The following TMPRSS12 variants were observed in gnomAD, a reference collection of about 807,000 sequenced individuals.
TMPRSS12 encodes the protein transmembrane serine protease 12.
TMPRSS12 carries 25 observed loss-of-function variants against 26.0 expected under a neutral mutation model. The ratio of observed to expected loss-of-function variants is 0.96; its 90% CI spans 0.70 to 1.34. TMPRSS12 has a LOEUF of 1.34. Ranked by LOEUF, TMPRSS12 falls within the 40% of genes most tolerant of loss-of-function variation. The pLI is 0.00. For missense variants in TMPRSS12, 441 were observed against 440.1 expected, an observed-to-expected ratio of 1.00 and a Z score of -0.02; for synonymous variants, 150 against 161.7, an observed-to-expected ratio of 0.93 and a Z score of 0.55.
intron 3 of TMPRSS12, among the ~76,000 whole-genome samples, chr12:50,860,915 TTTG>T (rs1476042311): frequency 6.6e-6 from 1 of 152,004 alleles, no homozygotes; most frequent in Non-Finnish European, 1.5e-5. Flanking sequence ...CCAGCTTTTG[TTTG>T]TTTGTTTTTA....
chr12:50,843,266 T>C, intron 1 of TMPRSS12, 115 bp downstream of exon 1: 2 of 1,084,278 alleles, frequency 1.8e-6, no homozygotes, highest in South Asian at 3.7e-5. Flanking sequence ...TAACCAAAAT[T>C]TTACATACCT....
intron 1 of TMPRSS12, 42 bp from the exon 2 acceptor site, chr12:50,843,800 T>C: frequency 6.5e-7 from 1 of 1,535,592 alleles, no homozygotes. Context: ...TAACACATAC[T>C]ATAGATGCTC....
intron 2 of TMPRSS12, among the ~76,000 whole-genome samples, chr12:50,858,378 G>C (rs1211119553): frequency 6.6e-6 from 1 of 152,156 alleles, no homozygotes; most frequent in African/African-American, 2.4e-5. Flanking sequence ...TAAAAGATGG[G>C]AACTCTTTAC....
At chr12:50,881,676 A>AT (rs1485485236) in intron 3 of TMPRSS12, among the ~76,000 whole-genome samples, 1 of 151,914 alleles carries the variant, frequency 6.6e-6, no homozygotes, top group Non-Finnish European at 1.5e-5. Flanking sequence ...AGAAATATAT[A>AT]TTTTTAGTTT....
rs999972865 is a variant in TMPRSS12 at position 50,865,275 on chromosome 12, T to C, written c.652+6222T>C. Among the ~76,000 whole-genome samples the C allele has an allele frequency of 1.6e-4, 25 of 152,060 alleles. 1 individual carries two copies. Among genetic ancestry groups the C allele is most frequent in the Admixed American group, 2.0e-4 (3 of 15,270 alleles). On this transcript the variant is annotated intron_variant, in intron 3 of 4. Transcript: ENST00000398458. ...TTGAACCAGGAGGCAGAGGTTGCAG[T>C]GAGCCAAGATCATATCTTTGCACTC...
chr12:50,856,163 T>C (rs529272700), intron 2 of TMPRSS12, among the ~76,000 whole-genome samples: 1 of 152,276 alleles, frequency 6.6e-6, no homozygotes, highest in East Asian at 1.9e-4. Context: ...AGTTTACCCA[T>C]GTAACAAACC....
At chr12:50,877,424 CTT>C (rs565782987) in intron 3 of TMPRSS12, among the ~76,000 whole-genome samples, 3 of 152,016 alleles carry the variant, frequency 2.0e-5, no homozygotes, top group Non-Finnish European at 4.4e-5. Flanking sequence ...AAAAGGGAAA[CTT>C]TATTCACAGA....
At position 50,887,570 on chromosome 12, in the gene TMPRSS12, A is replaced by C. The variant is rs1938240975; in HGVS notation, c.*57A>C. 6.5e-7 allele frequency: 1 copy of C among 1,536,256 alleles called. No homozygotes were observed. The highest frequency in any genetic ancestry group is 2.1e-5 in the Admixed American group (1 of 47,244). On this transcript the variant is annotated 3_prime_UTR_variant, in exon 5 of 5. Coordinates refer to ENST00000398458, the MANE Select transcript of TMPRSS12 (RefSeq NM_182559.3). ...TGCATTGTGTCCCTTTCTATGTTCT[A>C]TATAATGAACATCATTTATTCTTCT... is the stretch of plus-strand genomic sequence containing the variant.
At chr12:50,878,448 C>T (rs2139735887) in intron 3 of TMPRSS12, among the ~76,000 whole-genome samples, 1 of 151,986 alleles carries the variant, frequency 6.6e-6, no homozygotes, top group African/African-American at 2.4e-5. Flanking sequence ...TGTGGTGGTA[C>T]GCAGCTATAG....
chr12:50,850,543 G>A (rs888341808), intron 2 of TMPRSS12, among the ~76,000 whole-genome samples: 1 of 152,148 alleles, frequency 6.6e-6, no homozygotes, highest in Non-Finnish European at 1.5e-5. Context: ...TCACTCCACT[G>A]TACTTCAGCC....
chr12:50,856,202 AAGTT>A (rs1381740131), intron 2 of TMPRSS12, among the ~76,000 whole-genome samples: 2 of 152,078 alleles, frequency 1.3e-5, no homozygotes, highest in African/African-American at 4.8e-5. Flanking sequence ...CCTAAAATAA[AAGTT>A]AGGGAAAAGA....
At chr12:50,876,435 C>T (rs909346250) in intron 3 of TMPRSS12, among the ~76,000 whole-genome samples, 3 of 152,194 alleles carry the variant, frequency 2.0e-5, no homozygotes, top group African/African-American at 2.4e-5. Context: ...ACCAAAAAGA[C>T]GCATGCACTC....
chr12:50,887,449 T>C lies in TMPRSS12; in HGVS notation c.983T>C (p.Ile328Thr). The C allele has an allele frequency of 6.2e-7, 1 of 1,613,932 alleles. No homozygotes were observed. ...FHASTQGILT[I>T]NILRGQILIA... Reference sequence around the variant, plus strand: ...GCAAGCACTCAAGGCATACTTACTATAAATATTTTACGTGGCCAGATCCTC... The same window carrying C: ...GCAAGCACTCAAGGCATACTTACTACAAATATTTTACGTGGCCAGATCCTC... Residue 328 changes from isoleucine to threonine, a missense_variant, in exon 5 of 5, where the codon ATA becomes ACA. By Grantham distance (89) the Ile-to-Thr change is moderately conservative. Transcript: ENST00000398458.
intron 3 of TMPRSS12, among the ~76,000 whole-genome samples, chr12:50,883,894 C>T (rs927905226): frequency 1.3e-5 from 2 of 151,888 alleles, no homozygotes; most frequent in African/African-American, 4.8e-5. Context: ...CCCAGGCACT[C>T]GGGAGGTTGA....
At chr12:50,878,451 A>G (rs1938133696) in intron 3 of TMPRSS12, among the ~76,000 whole-genome samples, 1 of 152,078 alleles carries the variant, frequency 6.6e-6, no homozygotes. Flanking sequence ...GGTGGTACGC[A>G]GCTATAGTCC....
At chr12:50,873,206 G>A (rs963585644) in intron 3 of TMPRSS12, among the ~76,000 whole-genome samples, 1 of 151,878 alleles carries the variant, frequency 6.6e-6, no homozygotes, top group Non-Finnish European at 1.5e-5. Flanking sequence ...GGAGGGGGGC[G>A]AGGGATAAAA....
At chr12:50,882,849 A>T (rs1938189343) in intron 3 of TMPRSS12, among the ~76,000 whole-genome samples, 1 of 152,224 alleles carries the variant, frequency 6.6e-6, no homozygotes, top group Non-Finnish European at 1.5e-5. Context: ...CAGATCATCT[A>T]AATCCTATAC....
At chr12:50,847,694 G>A (rs1326157791) in intron 2 of TMPRSS12, among the ~76,000 whole-genome samples, 1 of 151,848 alleles carries the variant, frequency 6.6e-6, no homozygotes, top group African/African-American at 2.4e-5. Context: ...TCAGAAGTTT[G>A]AGACCAGCCT....
At chr12:50,871,197 T>C (rs534342168) in intron 3 of TMPRSS12, among the ~76,000 whole-genome samples, 17 of 152,252 alleles carry the variant, frequency 1.1e-4, no homozygotes, top group African/African-American at 3.9e-4. Flanking sequence ...TTTCAAACTA[T>C]ACTATAAGCC....
Sources: gnomAD v4.1 joint callset for allele counts (sites outside exome capture counted in the v4.1 genomes callset) on GRCh38, gnomAD v4.1.1 for gene constraint, MANE v1.5 for transcripts, NCBI Gene and HGNC (gene_info 2026-07-23, HGNC 2026-07-21) for gene names.